Variants in DPH6 observed in about 807,000 individuals in gnomAD.
DPH6 encodes diphthamine biosynthesis 6, also known as diphthine--ammonia ligase.
In DPH6, 33 loss-of-function variants were observed where a neutral mutation model predicts 38.2. The observed-to-expected ratio is 0.86, with a 90% CI of 0.65 to 1.15. DPH6 has a LOEUF of 1.15. DPH6 is among the 50% of genes most tolerant of loss of function. The pLI, the probability that DPH6 is intolerant of heterozygous loss-of-function variation, is 0.00. For missense variants in DPH6, 325 were observed against 320.0 expected, an observed-to-expected ratio of 1.02 and a Z score of -0.12; for synonymous variants, 108 against 103.0, an observed-to-expected ratio of 1.05 and a Z score of -0.30.
At chr15:35,268,200 T>G (rs1224949252) in intron 3 of DPH6, among the ~76,000 whole-genome samples, 41 of 149,284 alleles carry the variant, frequency 2.7e-4, no homozygotes, top group African/African-American at 9.9e-4. Context: ...AATAAATAAA[T>G]AAATAAATAA....
At chr15:35,320,455 T>C (rs1384085992) in intron 3 of DPH6, among the ~76,000 whole-genome samples, 1 of 152,216 alleles carries the variant, frequency 6.6e-6, no homozygotes, top group Non-Finnish European at 1.5e-5. Flanking sequence ...AAAGGCTCCT[T>C]TGGGAATCTC....
In DPH6 at chr15:35,531,481, A is replaced by T. The variant is rs568707376; in HGVS notation, c.312+6793T>A. 3.0e-3 allele frequency among the ~76,000 whole-genome samples: 449 copies of T among 152,090 alleles called. 1 individual carries two copies. The highest frequency in any genetic ancestry group is 6.8e-3 in the Middle Eastern group (2 of 294). On this transcript the variant is annotated intron_variant, in intron 3 of 8. Coordinates refer to ENST00000256538, the MANE Select transcript of DPH6 (RefSeq NM_080650.4). ...TGTATCCGATAATTACATTAAAAAAATTTTTTTTGAGGCAGAGTCTCACTC... is the reference window on the plus strand; with the variant it reads ...TGTATCCGATAATTACATTAAAAAATTTTTTTTTGAGGCAGAGTCTCACTC...
the DPH6 span, among the ~76,000 whole-genome samples, chr15:35,176,554 C>T: frequency 3.3e-5 from 5 of 152,032 alleles, no homozygotes; most frequent in Non-Finnish European, 7.4e-5. Flanking sequence ...TCACCACAAC[C>T]TCCGCCTCCA....
rs1409200603 is a variant in DPH6, at chr15:35,241,273, C to T, written n.201-20691G>A. On this transcript the variant is annotated intron_variant and non_coding_transcript_variant, in intron 3 of 3. Coordinates refer to the DPH6 transcript ENST00000560386. Reference sequence around the variant, plus strand: ...ACACTGCCCGATCGCCTCGGAAGCCCCCTAGACCATCACGGACGCCGAGCT... The same window carrying T: ...ACACTGCCCGATCGCCTCGGAAGCCTCCTAGACCATCACGGACGCCGAGCT... 1.4e-5 allele frequency among the ~76,000 whole-genome samples: 2 copies of T among 143,192 alleles called. 1 individual carries two copies. Among genetic ancestry groups the T allele is most frequent in the Admixed American group, 1.5e-4 (2 of 13,252 alleles). 93.9% of individuals were successfully genotyped at this position (143,192 alleles called of 152,430 possible). A position where few individuals can be genotyped will look rare whatever the true frequency, so the allele number is the denominator to read the frequency against.
chr15:35,503,110 T>C lies in DPH6; in HGVS notation c.312+35164A>G, dbSNP rs553660304. ...ATTTTGTATCCTCCCCTCTGAAATA[T>C]GGAAGGTTAGTTCTTATAGAAATTT... On this transcript the variant is annotated intron_variant, in intron 3 of 8. Transcript: ENST00000256538. Among the ~76,000 whole-genome samples the C allele has an allele frequency of 5.9e-5, 9 of 151,818 alleles. No homozygotes were observed. The South Asian group carries it at 1.7e-3, about 28-fold the overall frequency.
the DPH6 span, among the ~76,000 whole-genome samples, chr15:35,169,403 G>C: frequency 6.6e-6 from 1 of 152,000 alleles, no homozygotes; most frequent in East Asian, 1.9e-4. Flanking sequence ...AAATCCCAAG[G>C]CTGTAAAAAG....
At chr15:35,295,539 C>T (rs551357775) in intron 3 of DPH6, among the ~76,000 whole-genome samples, 1 of 152,318 alleles carries the variant, frequency 6.6e-6, no homozygotes, top group African/African-American at 2.4e-5. Flanking sequence ...TTGTCTTCCT[C>T]CATGCCATTA....
Position 35,491,049 on chromosome 15 carries a change from A to G in DPH6, c.313-36229T>C, listed in dbSNP as rs144098018. On this transcript the variant is annotated intron_variant, in intron 3 of 8. Coordinates refer to ENST00000256538, the MANE Select transcript of DPH6 (RefSeq NM_080650.4). ...ATAGCATTAATCCATTCTTGAGGGC[A>G]GAGCCCTCACAATATAATCACCTCT... is the stretch of plus-strand genomic sequence containing the variant. Among the ~76,000 whole-genome samples, 470 of 152,288 alleles carry G rather than the reference A, an allele frequency of 3.1e-3. 3 individuals are homozygous for G. The East Asian group carries it at 0.034, about 11-fold the overall frequency.
intron 3 of DPH6, among the ~76,000 whole-genome samples, chr15:35,299,634 C>T (rs931168336): frequency 6.6e-6 from 1 of 152,282 alleles, no homozygotes; most frequent in Non-Finnish European, 1.5e-5. Flanking sequence ...TTCTTTCTCA[C>T]TCACTATGTT....
chr15:35,428,302 A>T (rs190529544), intron 5 of DPH6, among the ~76,000 whole-genome samples: 1 of 152,042 alleles, frequency 6.6e-6, no homozygotes, highest in Admixed American at 6.6e-5. Flanking sequence ...ACTTCTAAAA[A>T]TTTTTCTATA....
intron 3 of DPH6, among the ~76,000 whole-genome samples, chr15:35,315,275 T>A (rs2052179203): frequency 6.6e-6 from 1 of 152,236 alleles, no homozygotes; most frequent in Admixed American, 6.5e-5. Flanking sequence ...GGAAAATGCT[T>A]CCACAACCAG....
chr15:35,372,932 C>G (rs954448689), intron 8 of DPH6, among the ~76,000 whole-genome samples: 1 of 151,912 alleles, frequency 6.6e-6, no homozygotes, highest in Admixed American at 6.6e-5. Context: ...TAATATAAAG[C>G]AACATCTGAA....
chr15:35,332,521 G>T (rs182739526), intron 3 of DPH6, among the ~76,000 whole-genome samples: 2 of 152,142 alleles, frequency 1.3e-5, no homozygotes, highest in Admixed American at 1.3e-4. Flanking sequence ...TGAACACATT[G>T]TCTTAATTGT....
chr15:35,161,487 C>T, the DPH6 span, among the ~76,000 whole-genome samples: 1 of 151,864 alleles, frequency 6.6e-6, no homozygotes, highest in African/African-American at 2.4e-5. Flanking sequence ...GAAAAATGAC[C>T]ACAACCATAT....
Position 35,425,501 on chromosome 15 carries a change from A to G in DPH6, c.506-14605T>C, listed in dbSNP as rs1393667408. ...AAATATTACAATTAACATATTTTTTAAAGATCAGAAGAAATTGGAGCCATT... is the reference window on the plus strand; with the variant it reads ...AAATATTACAATTAACATATTTTTTGAAGATCAGAAGAAATTGGAGCCATT... On this transcript the variant is annotated intron_variant, in intron 5 of 8. Transcript: ENST00000256538. 2.6e-5 allele frequency among the ~76,000 whole-genome samples: 4 copies of G among 151,534 alleles called. No homozygotes were observed. In the East Asian group the frequency reaches 7.7e-4, roughly 29 times the overall value.
chr15:35,410,901 C>A lies in DPH6; in HGVS notation c.506-5G>T. 2.5e-6 allele frequency: 4 copies of A among 1,601,110 alleles called. No homozygotes were observed. Among genetic ancestry groups the A allele is most frequent in the African/African-American group, 1.3e-5 (1 of 74,138 alleles). Reference sequence around the variant, plus strand: ...GATGCTTATCAGGATCTAAACCTGCCAAGAAAGGTTACATTTTTTAAAGAT... The same window carrying A: ...GATGCTTATCAGGATCTAAACCTGCAAAGAAAGGTTACATTTTTTAAAGAT... On this transcript the variant is annotated splice_polypyrimidine_tract_variant and splice_region_variant and intron_variant, in intron 5 of 8. Transcript: ENST00000256538.
At chr15:35,241,259 T>A (rs1231872926) in intron 3 of DPH6, among the ~76,000 whole-genome samples, 1 of 143,422 alleles carries the variant, frequency 7.0e-6, no homozygotes, top group South Asian at 2.4e-4. Flanking sequence ...CACTGCCCGA[T>A]CGCCTCGGAA....
At chr15:35,218,460 G>A (rs944217626) in exon 4 of DPH6, 1 of 152,144 alleles carries the variant, frequency 6.6e-6, no homozygotes, top group Admixed American at 6.5e-5. Flanking sequence ...ATATAAGTAA[G>A]CATGGCTGAC....
At chr15:35,191,449 T>C in the DPH6 span, among the ~76,000 whole-genome samples, 2 of 152,306 alleles carry the variant, frequency 1.3e-5, no homozygotes, top group South Asian at 4.1e-4. Context: ...GAAAAGCCTA[T>C]GAACATCTCC....
Sources: allele counts gnomAD v4.1 joint callset (sites outside exome capture counted in the v4.1 genomes callset), GRCh38; gene constraint gnomAD v4.1.1; transcripts MANE v1.5; gene names NCBI Gene and HGNC (gene_info 2026-07-23, HGNC 2026-07-21).